The following BAZ2B variants were observed in gnomAD, a reference collection of about 807,000 sequenced individuals.
The protein encoded by BAZ2B is bromodomain adjacent to zinc finger domain 2B, also known as bromodomain adjacent to zinc finger domain protein 2B.
BAZ2B carries 91 observed loss-of-function variants against 246.0 expected under a neutral mutation model. The observed-to-expected ratio is 0.37, with a 90% CI of 0.31 to 0.44. The LOEUF is 0.44. Among genes scored for constraint, BAZ2B ranks in the 20% least tolerant of loss-of-function variants. The pLI, the probability that BAZ2B is intolerant of heterozygous loss-of-function variation, is 1.00. For missense variants in BAZ2B, 2,332 were observed against 2,533.7 expected, an observed-to-expected ratio of 0.92 and a Z score of 1.71; for synonymous variants, 855 against 860.0, an observed-to-expected ratio of 0.99 and a Z score of 0.10.
chr2:159,506,264 G>A (rs190856831), intron 2 of BAZ2B, among the ~76,000 whole-genome samples: 43 of 152,182 alleles, frequency 2.8e-4, no homozygotes, highest in African/African-American at 9.6e-4. Context: ...ATTGCTTCTT[G>A]AGGCTCTACC....
At chr2:159,542,178 G>T (rs1049887038) in intron 2 of BAZ2B, among the ~76,000 whole-genome samples, 1 of 152,134 alleles carries the variant, frequency 6.6e-6, no homozygotes, top group South Asian at 2.1e-4. Flanking sequence ...CAGAGCCTAT[G>T]GAACCTGTAA....
chr2:159,337,405 T>C (rs2065866163), intron 32 of BAZ2B, 162 bp downstream of exon 32: 3 of 1,452,564 alleles, frequency 2.1e-6, no homozygotes, highest in African/African-American at 1.4e-5. Flanking sequence ...CAATAGAAAA[T>C]AGGCTCCAAT....
the BAZ2B span, among the ~76,000 whole-genome samples, chr2:159,677,558 C>T: frequency 6.6e-6 from 1 of 152,080 alleles, no homozygotes; most frequent in Non-Finnish European, 1.5e-5. Flanking sequence ...GTCTTAAGTG[C>T]TACATTTTAT....
At chr2:159,661,492 T>G in the BAZ2B span, among the ~76,000 whole-genome samples, 1 of 152,232 alleles carries the variant, frequency 6.6e-6, no homozygotes. Context: ...GGTTGGGTTT[T>G]GTTTAGCTTT....
chr2:159,579,421 A>G (rs1329226236), intron 1 of BAZ2B, among the ~76,000 whole-genome samples: 3 of 152,220 alleles, frequency 2.0e-5, no homozygotes, highest in African/African-American at 4.8e-5. Flanking sequence ...TCTGAAATTG[A>G]GGCAATAATT....
chr2:159,383,734 AT>A, intron 23 of BAZ2B, 54 bp from the exon 24 acceptor site: 3 of 1,437,196 alleles, frequency 2.1e-6, no homozygotes, highest in Non-Finnish European at 2.9e-6. Flanking sequence ...TATGCAATGC[AT>A]TAATTTGATA....
chr2:159,367,838 A>T (rs1045691207), intron 27 of BAZ2B, among the ~76,000 whole-genome samples: 1 of 152,150 alleles, frequency 6.6e-6, no homozygotes, highest in African/African-American at 2.4e-5. Context: ...CAGTGAGCCA[A>T]GATCGCGCCA....
chr2:159,675,599 C>G, the BAZ2B span, among the ~76,000 whole-genome samples: 2 of 152,164 alleles, frequency 1.3e-5, no homozygotes, highest in African/African-American at 4.8e-5. Context: ...ACAATTTTAT[C>G]TAAAATAATG....
intron 2 of BAZ2B, among the ~76,000 whole-genome samples, chr2:159,499,477 T>A (rs1449794760): frequency 6.6e-6 from 1 of 152,204 alleles, no homozygotes; most frequent in Non-Finnish European, 1.5e-5. Flanking sequence ...AGTGCTGCAA[T>A]GAACATACAC....
intron 2 of BAZ2B, among the ~76,000 whole-genome samples, chr2:159,532,009 T>C (rs371899911): frequency 1.2e-4 from 18 of 152,352 alleles, no homozygotes; most frequent in African/African-American, 4.3e-4. Context: ...AAAATGACTT[T>C]AGTTTGACAT....
the BAZ2B span, among the ~76,000 whole-genome samples, chr2:159,658,326 T>A: frequency 6.6e-6 from 1 of 152,086 alleles, no homozygotes; most frequent in Non-Finnish European, 1.5e-5. Flanking sequence ...TTTGCTAATA[T>A]TTAGTAGAAA....
intron 24 of BAZ2B, among the ~76,000 whole-genome samples, 182 bp downstream of exon 24, chr2:159,383,424 A>T (rs938186654): frequency 6.6e-6 from 1 of 152,142 alleles, no homozygotes; most frequent in Non-Finnish European, 1.5e-5. Context: ...GAATCTCATT[A>T]TATCTTTTGT....
At chr2:159,440,766 C>G (rs1325827499) in intron 6 of BAZ2B, among the ~76,000 whole-genome samples, 1 of 152,112 alleles carries the variant, frequency 6.6e-6, no homozygotes, top group East Asian at 1.9e-4. Flanking sequence ...GCCTCGGCCT[C>G]CCAAAGTGCC....
At chr2:159,397,550 G>A (rs895160478) in intron 18 of BAZ2B, among the ~76,000 whole-genome samples, 161 bp from the exon 19 acceptor site, 1 of 152,028 alleles carries the variant, frequency 6.6e-6, no homozygotes, top group African/African-American at 2.4e-5. Flanking sequence ...ATGTCAATTC[G>A]ATTTTGTATG....
chr2:159,335,138 A>C (rs1558989883), intron 33 of BAZ2B, among the ~76,000 whole-genome samples: 1 of 152,178 alleles, frequency 6.6e-6, no homozygotes, highest in Non-Finnish European at 1.5e-5. Flanking sequence ...ATCTCACCAA[A>C]TATATTTGTC....
intron 1 of BAZ2B, among the ~76,000 whole-genome samples, chr2:159,588,163 A>G (rs1688473792): frequency 6.8e-6 from 1 of 147,722 alleles, no homozygotes; most frequent in Non-Finnish European, 1.5e-5. Flanking sequence ...ACTGCACTTC[A>G]GCGATTGTAC....
chr2:159,576,097 T>A (rs555615582), intron 1 of BAZ2B, among the ~76,000 whole-genome samples: 22 of 152,292 alleles, frequency 1.4e-4, no homozygotes, highest in Admixed American at 5.2e-4. Flanking sequence ...ATTTAAAAGG[T>A]CAACTAAACC....
intron 1 of BAZ2B, among the ~76,000 whole-genome samples, chr2:159,605,524 A>G (rs10174515): frequency 0.54 from 82,241 of 151,934 alleles, 23,083 homozygotes; most frequent in East Asian, 0.74. Flanking sequence ...AAAATAATCT[A>G]TTTCACAAAA....
At chr2:159,641,615 C>T in the BAZ2B span, among the ~76,000 whole-genome samples, 15 of 152,000 alleles carry the variant, frequency 9.9e-5, no homozygotes, top group African/African-American at 3.1e-4. Context: ...TTTTGGAGTC[C>T]GGTCATGAAA....
Sources: allele counts gnomAD v4.1 joint callset (sites outside exome capture counted in the v4.1 genomes callset), GRCh38; gene constraint gnomAD v4.1.1; transcripts MANE v1.5; gene names NCBI Gene and HGNC (gene_info 2026-07-23, HGNC 2026-07-21).